Variants in SKA2 observed in about 807,000 individuals in gnomAD.
SKA2 encodes the protein spindle and kinetochore-associated protein 2.
Under a neutral mutation model 16.9 loss-of-function variants are expected in SKA2, and 13 were observed. The ratio of observed to expected loss-of-function variants is 0.77; its 90% CI spans 0.50 to 1.22. SKA2 has a LOEUF of 1.22. Among genes scored for constraint, SKA2 ranks in the 50% most tolerant of loss-of-function variants. The probability of loss-of-function intolerance (pLI) is 0.00; values close to 1 mark genes in which losing one functional copy is unlikely to be tolerated. For synonymous variants in SKA2, 47 were observed against 48.5 expected (o/e 0.97, Z 0.13); for missense variants, 107 against 139.7 (o/e 0.77, Z 1.18).
intron 2 of SKA2, among the ~76,000 whole-genome samples, chr17:59,122,858 G>A (rs1398519457): frequency 1.3e-5 from 2 of 151,478 alleles, no homozygotes; most frequent in South Asian, 2.1e-4. Context: ...CCTGACCTCA[G>A]GTGATCTGCC....
chr17:59,128,161 G>T (rs2046384395), intron 2 of SKA2, among the ~76,000 whole-genome samples: 1 of 151,810 alleles, frequency 6.6e-6, no homozygotes, highest in Non-Finnish European at 1.5e-5. Flanking sequence ...GTTGCAGTGA[G>T]CTGAGATTGC....
intron 1 of SKA2, among the ~76,000 whole-genome samples, chr17:59,142,707 A>G (rs1257836591): frequency 6.6e-6 from 1 of 151,432 alleles, no homozygotes; most frequent in African/African-American, 2.4e-5. Context: ...TGGGTGGATC[A>G]CCTGAGGTCA....
intron 2 of SKA2, among the ~76,000 whole-genome samples, chr17:59,128,348 G>A (rs925971590): frequency 3.9e-5 from 6 of 152,038 alleles, no homozygotes; most frequent in African/African-American, 1.4e-4. Context: ...AAGTGGGCCA[G>A]GTGCAGTGGC....
intron 1 of SKA2, among the ~76,000 whole-genome samples, chr17:59,154,364 G>C (rs1376503777): frequency 6.6e-6 from 1 of 152,134 alleles, no homozygotes; most frequent in Non-Finnish European, 1.5e-5. Flanking sequence ...CCCCAGCTGG[G>C]CGCCCCCCGA....
intron 2 of SKA2, among the ~76,000 whole-genome samples, chr17:59,121,242 CT>C (rs1373315747): frequency 6.6e-6 from 1 of 151,792 alleles, no homozygotes; most frequent in East Asian, 1.9e-4. Context: ...TCTGTGTAAT[CT>C]TCCTCAGGAA....
intron 1 of SKA2, among the ~76,000 whole-genome samples, chr17:59,141,911 G>T (rs1273707631): frequency 6.6e-6 from 1 of 152,062 alleles, no homozygotes; most frequent in Admixed American, 6.6e-5. Flanking sequence ...AGGATGCCTG[G>T]TAGGACCTTT....
intron 1 of SKA2, among the ~76,000 whole-genome samples, chr17:59,133,296 A>G (rs1413802031): frequency 6.6e-6 from 1 of 152,224 alleles, no homozygotes; most frequent in Non-Finnish European, 1.5e-5. Context: ...GGTATAATCA[A>G]TGAATTATTC....
intron 1 of SKA2, among the ~76,000 whole-genome samples, chr17:59,142,240 T>C (rs1206237782): frequency 1.3e-5 from 2 of 151,922 alleles, no homozygotes; most frequent in Non-Finnish European, 2.9e-5. Flanking sequence ...GTGACAGGGA[T>C]GGTGTTATTG....
intron 2 of SKA2, among the ~76,000 whole-genome samples, chr17:59,127,873 A>G (rs1044490322): frequency 3.3e-5 from 5 of 152,220 alleles, no homozygotes; most frequent in Non-Finnish European, 5.9e-5. Flanking sequence ...CATAGCAGCC[A>G]AAAGGTGGAA....
At position 59,117,069 on chromosome 17, in the gene SKA2, C is replaced by T. The variant is rs1292216663; in HGVS notation, c.297+2250G>A. Among the ~76,000 whole-genome samples the T allele has an allele frequency of 2.0e-5, 3 of 152,024 alleles. No homozygotes were observed. The East Asian group carries it at 5.8e-4, about 29-fold the overall frequency. Reference sequence around the variant, plus strand: ...TGGCCTCGTAATCCTCCCTCCTCGGCCTCCCAAAGTGCTGGGATTACAGGT... The same window carrying T: ...TGGCCTCGTAATCCTCCCTCCTCGGTCTCCCAAAGTGCTGGGATTACAGGT... On this transcript the variant is annotated intron_variant, in intron 3 of 3. Transcript: ENST00000330137.
At chr17:59,137,205 A>G (rs1037048276) in intron 1 of SKA2, among the ~76,000 whole-genome samples, 7 of 152,018 alleles carry the variant, frequency 4.6e-5, no homozygotes, top group African/African-American at 1.7e-4. Context: ...TTTTGTAGAG[A>G]CAAGGTCTCG....
intron 2 of SKA2, among the ~76,000 whole-genome samples, chr17:59,120,699 G>A (rs116106146): frequency 0.01 from 1,545 of 152,274 alleles, 27 homozygotes; most frequent in African/African-American, 0.035. Context: ...TAAGGGACTG[G>A]GGTAGGCTGA....
At chr17:59,148,712 G>T (rs1171200097) in intron 1 of SKA2, among the ~76,000 whole-genome samples, 1 of 150,638 alleles carries the variant, frequency 6.6e-6, no homozygotes, top group African/African-American at 2.4e-5. Flanking sequence ...GGAGGCTGAG[G>T]TGGGGGAGTA....
At chr17:59,154,780 C>T (rs2046609297) in intron 1 of SKA2, among the ~76,000 whole-genome samples, 1 of 152,150 alleles carries the variant, frequency 6.6e-6, no homozygotes, top group Non-Finnish European at 1.5e-5. Flanking sequence ...TCTTGGGACG[C>T]TTAGGGACCG....
intron 3 of SKA2, among the ~76,000 whole-genome samples, chr17:59,114,364 TCA>T (rs1271340105): frequency 1.3e-5 from 2 of 152,154 alleles, no homozygotes; most frequent in African/African-American, 2.4e-5. Flanking sequence ...CGTGTGAACA[TCA>T]CAGACTGTAC....
intron 1 of SKA2, among the ~76,000 whole-genome samples, chr17:59,145,912 C>A (rs2046528725): frequency 6.6e-6 from 1 of 151,166 alleles, no homozygotes; most frequent in South Asian, 2.1e-4. Context: ...ATCACTTGGG[C>A]CCGAGAGGTC....
chr17:59,146,524 G>A (rs1369771630), intron 1 of SKA2, among the ~76,000 whole-genome samples: 2 of 151,942 alleles, frequency 1.3e-5, no homozygotes, highest in African/African-American at 2.4e-5. Flanking sequence ...ATAATAAAAT[G>A]AGAATAAAAA....
At position 59,111,018 on chromosome 17, in the gene SKA2, A is replaced by C. The variant is rs191361373; in HGVS notation, c.*1259T>G. The stretch of plus-strand genomic sequence containing the variant: ...CTAGTCCTTTCAATGCTTAGTTTTT[A>C]TTACATGTATGTAATATCACTTATT... On this transcript the variant is annotated 3_prime_UTR_variant, in exon 4 of 4. Coordinates refer to ENST00000330137, the MANE Select transcript of SKA2 (RefSeq NM_182620.4). 13 of 152,156 alleles carry C rather than the reference A, an allele frequency of 8.5e-5. No homozygotes were observed. The highest frequency in any genetic ancestry group is 2.9e-4 in the African/African-American group (12 of 41,440). The allele number at this position is 152,156 out of a possible 1,614,324, so 9.4% of individuals were successfully genotyped here. A position where few individuals can be genotyped will look rare whatever the true frequency, so the allele number is the denominator to read the frequency against.
chr17:59,132,448 C>T (rs909463298), intron 1 of SKA2, among the ~76,000 whole-genome samples: 2 of 152,178 alleles, frequency 1.3e-5, no homozygotes, highest in Non-Finnish European at 2.9e-5. Flanking sequence ...CGGGTCACTT[C>T]AGCCCGGGAA....
Sources: allele counts gnomAD v4.1 joint callset (sites outside exome capture counted in the v4.1 genomes callset), GRCh38; gene constraint gnomAD v4.1.1; transcripts MANE v1.5; gene names NCBI Gene and HGNC (gene_info 2026-07-23, HGNC 2026-07-21).